Variants in UBE4A observed in about 807,000 individuals in gnomAD.
UBE4A encodes ubiquitin conjugation factor E4 A.
Under a neutral mutation model 117.9 loss-of-function variants are expected in UBE4A, and 48 were observed. The ratio of observed to expected loss-of-function variants is 0.41; its 90% CI spans 0.32 to 0.52. UBE4A has a LOEUF of 0.52. Ranked by LOEUF, UBE4A falls within the 20% of genes least tolerant of loss-of-function variation. The probability of loss-of-function intolerance (pLI) is 0.33; values close to 1 mark genes in which losing one functional copy is unlikely to be tolerated. For missense variants in UBE4A, 1,067 were observed against 1,296.3 expected (o/e 0.82, Z 2.72); for synonymous variants, 407 against 450.0 (o/e 0.90, Z 1.21).
At chr11:118,373,420 G>GT in intron 7 of UBE4A, 74 bp from the exon 8 acceptor site, 1 of 1,538,012 alleles carries the variant, frequency 6.5e-7, no homozygotes, top group Admixed American at 2.0e-5. Flanking sequence ...CAACTTAACT[G>GT]TTTTGAGGCC....
At position 118,398,481 on chromosome 11, in the gene UBE4A, CTG is replaced by C. The variant is rs1948895646; in HGVS notation, c.*2044_*2045del. 1 of 152,654 alleles carries C rather than the reference CTG, an allele frequency of 6.6e-6. No homozygotes were observed. The highest frequency in any genetic ancestry group is 6.5e-5 in the Admixed American group (1 of 15,278). The allele number at this position is 152,654 out of a possible 1,614,324, so 9.5% of individuals were successfully genotyped here. A position where few individuals can be genotyped will look rare whatever the true frequency, so the allele number is the denominator to read the frequency against. ...TACTGGTAAGGAAACCAAGTGTCCTCTGTGCCTTTTTTCTTTCTGTGAAGTAA... is the reference window on the plus strand; with the variant it reads ...TACTGGTAAGGAAACCAAGTGTCCTCTGCCTTTTTTCTTTCTGTGAAGTAA... On this transcript the variant is annotated 3_prime_UTR_variant, in exon 20 of 20. Coordinates refer to ENST00000252108, the MANE Select transcript of UBE4A (RefSeq NM_001204077.2).
In UBE4A at chr11:118,384,755, A is replaced by T. The variant is rs1948739445; in HGVS notation, c.2298+20A>T. 2.5e-6 allele frequency: 4 copies of T among 1,612,482 alleles called. No individual in the cohort carries two copies. Among genetic ancestry groups the T allele is most frequent in the Non-Finnish European group, 3.4e-6 (4 of 1,178,752 alleles). ...ATTAAGGTGAGAGAGTTTTTGATGA[A>T]ACCTGTTGCTTTATATAAGCCCTAA... On this transcript the variant is annotated intron_variant, in intron 14 of 19. Transcript: ENST00000252108.
At chr11:118,380,902 C>G (rs1428648057) in intron 11 of UBE4A, among the ~76,000 whole-genome samples, 4 of 152,136 alleles carry the variant, frequency 2.6e-5, no homozygotes, top group African/African-American at 9.7e-5. Context: ...GCTTTTATAC[C>G]CTAATCTTGG....
chr11:118,371,239 T>G (rs980535799), intron 4 of UBE4A, among the ~76,000 whole-genome samples: 3 of 152,214 alleles, frequency 2.0e-5, no homozygotes, highest in Middle Eastern at 3.2e-3. Context: ...GTTTAATCAC[T>G]GATCTCAGCA....
At chr11:118,394,011 C>T (rs782566007) in intron 19 of UBE4A, among the ~76,000 whole-genome samples, 12 of 152,176 alleles carry the variant, frequency 7.9e-5, no homozygotes, top group Non-Finnish European at 1.5e-4. Flanking sequence ...GCCTATTCTT[C>T]GGACAGTCTG....
intron 16 of UBE4A, among the ~76,000 whole-genome samples, chr11:118,386,869 C>T (rs1280852293): frequency 6.6e-6 from 1 of 152,046 alleles, no homozygotes; most frequent in African/African-American, 2.4e-5. Flanking sequence ...GACAAGTTAG[C>T]CATATAAATA....
At chr11:118,377,090 T>A (rs112646740) in intron 10 of UBE4A, among the ~76,000 whole-genome samples, 3,790 of 152,214 alleles carry the variant, frequency 0.025, 72 homozygotes, top group Non-Finnish European at 0.037. Flanking sequence ...ACAGATATAA[T>A]CTGAGCTTAT....
chr11:118,389,826 A>AAATTT lies in UBE4A; in HGVS notation c.2691_2692insTTTAA (p.Val898PhefsTer25). 3 of 1,613,854 alleles carry AAATTT rather than the reference A, an allele frequency of 1.9e-6. No individual in the cohort carries two copies. The highest frequency in any genetic ancestry group is 2.5e-6 in the Non-Finnish European group (3 of 1,179,796). ...GGTTGGCCCCAAGATGGGTGCCTTAAAAGTCAAGGACTTCAGCGAATTTGA... is the reference window on the plus strand; with the variant it reads ...GGTTGGCCCCAAGATGGGTGCCTTAAAATTTAAGTCAAGGACTTCAGCGAATTTGA... On this transcript the variant is annotated frameshift_variant, in exon 17 of 20. Coordinates refer to ENST00000252108, the MANE Select transcript of UBE4A (RefSeq NM_001204077.2). LOFTEE classifies it high-confidence loss of function.
At chr11:118,366,445 T>A (rs1438059150) in intron 2 of UBE4A, among the ~76,000 whole-genome samples, 1 of 152,220 alleles carries the variant, frequency 6.6e-6, no homozygotes, top group Non-Finnish European at 1.5e-5. Context: ...AGAACGCTTG[T>A]CCTTCTGGCT....
intron 5 of UBE4A, among the ~76,000 whole-genome samples, chr11:118,371,916 C>A (rs1249798426): frequency 6.6e-6 from 1 of 152,110 alleles, no homozygotes; most frequent in Non-Finnish European, 1.5e-5. Flanking sequence ...CCCCAGTTAA[C>A]CAATGCCTCC....
chr11:118,381,350 A>G (rs1555126308), intron 11 of UBE4A, 41 bp from the exon 12 acceptor site: 1 of 1,611,584 alleles, frequency 6.2e-7, no homozygotes, highest in Admixed American at 1.7e-5. Context: ...GTACAGATAT[A>G]CAGATGTTTG....
intron 16 of UBE4A, among the ~76,000 whole-genome samples, chr11:118,387,021 T>C (rs1948765658): frequency 6.6e-6 from 1 of 152,238 alleles, no homozygotes; most frequent in Non-Finnish European, 1.5e-5. Flanking sequence ...CAGTAGCCAC[T>C]TGCAACGTGT....
intron 15 of UBE4A, 124 bp downstream of exon 15, chr11:118,385,069 C>T (rs1948744099): frequency 1.2e-6 from 1 of 829,134 alleles, no homozygotes. Flanking sequence ...GACTTGAACA[C>T]CAAAAATTTG....
chr11:118,380,500 T>G (rs1381961495), intron 11 of UBE4A, among the ~76,000 whole-genome samples: 1 of 152,108 alleles, frequency 6.6e-6, no homozygotes, highest in Non-Finnish European at 1.5e-5. Flanking sequence ...GAGAATCGCT[T>G]GAGCCCAGGA....
At chr11:118,376,144 G>A (rs1008691881) in intron 9 of UBE4A, among the ~76,000 whole-genome samples, 2 of 152,172 alleles carry the variant, frequency 1.3e-5, no homozygotes, top group African/African-American at 4.8e-5. Context: ...GGTGGGGCTG[G>A]ATTGGAGAAA....
chr11:118,376,529 G>A (rs1208340019), intron 9 of UBE4A, 45 bp from the exon 10 acceptor site: 21 of 1,602,356 alleles, frequency 1.3e-5, no homozygotes, highest in Non-Finnish European at 1.7e-5. Flanking sequence ...GAGGAGACTG[G>A]AGACCAAGAC....
chr11:118,375,061 A>G lies in UBE4A; in HGVS notation c.1282A>G (p.Met428Val). The change falls in exon 9 of 20, where the codon ATG (methionine) becomes GTG (valine). Residue 428 changes from methionine (M) to valine (V), a missense_variant. This residue lies in a region of UBE4A where 1,001 missense variants were observed against 1,184.0 expected (regional missense o/e 0.85). Transcript: ENST00000252108. ...ANQMPEIFFQ[M>V]YASDAFFLNL... Reference sequence around the variant, plus strand: ...TCAGATGCCAGAAATCTTTTTCCAAATGTATGCCTCAGATGCTTTCTTTCT... The same window carrying G: ...TCAGATGCCAGAAATCTTTTTCCAAGTGTATGCCTCAGATGCTTTCTTTCT... 6 of 1,614,174 alleles carry G rather than the reference A, an allele frequency of 3.7e-6. No individual in the cohort carries two copies. Among genetic ancestry groups the G allele is most frequent in the Non-Finnish European group, 1.7e-6 (2 of 1,180,032 alleles).
rs782474796 is a variant in UBE4A at position 118,381,511 on chromosome 11, G to A, written c.1997G>A (p.Gly666Glu). 24 of 1,613,960 alleles carry A rather than the reference G, an allele frequency of 1.5e-5. No individual in the cohort carries two copies. Among genetic ancestry groups the A allele is most frequent in the Non-Finnish European group, 1.9e-5 (23 of 1,179,894 alleles). ...CTTCACTTTATCACCATTTTCACTGGAAGCATAGAAAGGTGAAGTGCTGAA... is the reference window on the plus strand; with the variant it reads ...CTTCACTTTATCACCATTTTCACTGAAAGCATAGAAAGGTGAAGTGCTGAA... ...HVLHFITIFT[G>E]SIERMKNPHL... is the part of the protein sequence containing the mutation. The change falls in exon 12 of 20, where the codon GGA (glycine) becomes GAA (glutamate). Residue 666 changes from glycine to glutamate, a missense_variant. Physicochemically the swap from Gly to Glu is moderately conservative, Grantham distance 98. Coordinates refer to ENST00000252108, the MANE Select transcript of UBE4A (RefSeq NM_001204077.2).
intron 9 of UBE4A, among the ~76,000 whole-genome samples, chr11:118,376,348 CA>C (rs1948652326): frequency 6.6e-6 from 1 of 152,184 alleles, no homozygotes; most frequent in Non-Finnish European, 1.5e-5. Flanking sequence ...TCACTTGAAA[CA>C]ATCTATAGTA....
Sources: allele counts gnomAD v4.1 joint callset (sites outside exome capture counted in the v4.1 genomes callset), GRCh38; gene constraint gnomAD v4.1.1; regional missense constraint gnomAD v4.1.1; transcripts MANE v1.5; gene names NCBI Gene and HGNC (gene_info 2026-07-23, HGNC 2026-07-21).